The following NCKAP5 variants were observed in gnomAD, a reference collection of about 807,000 sequenced individuals.
The protein encoded by NCKAP5 is nck-associated protein 5.
A neutral mutation model predicts 167.0 loss-of-function variants in NCKAP5; 92 were observed. The observed-to-expected ratio is 0.55, with a 90% CI of 0.47 to 0.66. The LOEUF is 0.66. Ranked by LOEUF, NCKAP5 falls within the 30% of genes least tolerant of loss-of-function variation. The probability of loss-of-function intolerance (pLI) is 0.00; values close to 1 mark genes in which losing one functional copy is unlikely to be tolerated. For missense variants in NCKAP5, 2,378 were observed against 2,315.0 expected, an observed-to-expected ratio of 1.03 and a Z score of -0.56; for synonymous variants, 891 against 877.4, an observed-to-expected ratio of 1.02 and a Z score of -0.27.
intron 2 of NCKAP5, among the ~76,000 whole-genome samples, chr2:133,534,622 A>G (rs369034952): frequency 1.3e-5 from 2 of 152,266 alleles, no homozygotes; most frequent in East Asian, 3.9e-4. Context: ...TCCACTTCGC[A>G]TCATGTTTTC....
In NCKAP5 at chr2:133,478,506, T is replaced by C. The variant is rs374007310; in HGVS notation, c.69+38952A>G. 4.6e-5 allele frequency among the ~76,000 whole-genome samples: 7 copies of C among 152,258 alleles called. No individual in the cohort carries two copies. In the East Asian group the frequency reaches 7.7e-4, roughly 17 times the overall value. ...TATTATCATTACATGGGGACAATCA[T>C]GTCTCCTGCCCTGACACCTCGATAG... is the stretch of plus-strand genomic sequence containing the variant. On this transcript the variant is annotated intron_variant, in intron 3 of 19. Transcript: ENST00000409261.
intron 6 of NCKAP5, among the ~76,000 whole-genome samples, chr2:133,028,264 T>C (rs1052348882): frequency 6.6e-6 from 1 of 152,210 alleles, no homozygotes; most frequent in Admixed American, 6.5e-5. Context: ...TAGCTGCCCA[T>C]TCAATCAAGC....
chr2:132,819,393 C>G (rs922900594), intron 11 of NCKAP5, among the ~76,000 whole-genome samples: 3 of 152,230 alleles, frequency 2.0e-5, no homozygotes, highest in Non-Finnish European at 4.4e-5. Context: ...TTGTTGCAAT[C>G]TAGACCTTAA....
intron 19 of NCKAP5, among the ~76,000 whole-genome samples, chr2:132,684,852 T>C (rs911918376): frequency 1.3e-5 from 2 of 151,798 alleles, no homozygotes; most frequent in African/African-American, 2.4e-5. Context: ...GAATAGAAGC[T>C]AAAAAAAAGT....
intron 3 of NCKAP5, among the ~76,000 whole-genome samples, chr2:133,458,402 A>G (rs188479798): frequency 3.3e-5 from 5 of 152,162 alleles, no homozygotes; most frequent in Admixed American, 2.0e-4. Context: ...ATTTAAAAAC[A>G]TGAGCAACAT....
intron 3 of NCKAP5, among the ~76,000 whole-genome samples, chr2:133,318,213 G>C (rs77739680): frequency 0.015 from 2,351 of 152,288 alleles, 38 homozygotes; most frequent in Non-Finnish European, 0.023. Flanking sequence ...GATGGTTTAA[G>C]AAGATGGAGA....
At chr2:133,137,203 G>A (rs2082818491) in intron 5 of NCKAP5, among the ~76,000 whole-genome samples, 1 of 152,048 alleles carries the variant, frequency 6.6e-6, no homozygotes, top group African/African-American at 2.4e-5. Context: ...GAAAGATTTG[G>A]TCATCCTAGA....
intron 6 of NCKAP5, among the ~76,000 whole-genome samples, chr2:133,084,552 C>T (rs981962977): frequency 1.3e-5 from 2 of 152,090 alleles, no homozygotes; most frequent in African/African-American, 4.8e-5. Flanking sequence ...TGAGGAAATG[C>T]TTCACTAAAT....
At chr2:132,979,073 C>T (rs2077056816) in intron 7 of NCKAP5, among the ~76,000 whole-genome samples, 1 of 152,170 alleles carries the variant, frequency 6.6e-6, no homozygotes, top group South Asian at 2.1e-4. Context: ...CTGCCCACAT[C>T]CTCTCTGCCA....
intron 5 of NCKAP5, among the ~76,000 whole-genome samples, chr2:133,197,578 C>A (rs571481203): frequency 6.6e-6 from 1 of 151,832 alleles, no homozygotes; most frequent in African/African-American, 2.4e-5. Context: ...AGATAACAAC[C>A]CCAAGATGAC....
intron 3 of NCKAP5, among the ~76,000 whole-genome samples, chr2:133,470,366 G>A (rs1157718486): frequency 2.6e-5 from 4 of 152,184 alleles, no homozygotes; most frequent in Admixed American, 6.5e-5. Flanking sequence ...CAGTCTGCCG[G>A]TTCCCAGATC....
In NCKAP5 at chr2:132,805,497, C is replaced by T. The variant is rs557441958; in HGVS notation, c.808-8768G>A. On this transcript the variant is annotated intron_variant, in intron 11 of 19. Coordinates refer to ENST00000409261, the MANE Select transcript of NCKAP5 (RefSeq NM_207363.3). Reference sequence around the variant, plus strand: ...TTGCTAGACACAAACATCATTCATTCATTTACTTAAAATCATGCTTTCCTT... The same window carrying T: ...TTGCTAGACACAAACATCATTCATTTATTTACTTAAAATCATGCTTTCCTT... Among the ~76,000 whole-genome samples the T allele has an allele frequency of 2.8e-3, 423 of 152,212 alleles. 1 individual carries two copies. Among genetic ancestry groups the T allele is most frequent in the Non-Finnish European group, 4.1e-3 (276 of 68,016 alleles).
intron 6 of NCKAP5, among the ~76,000 whole-genome samples, chr2:133,094,169 C>T (rs6761734): frequency 0.051 from 7,832 of 152,104 alleles, 634 homozygotes; most frequent in African/African-American, 0.17. Flanking sequence ...ACATTGTCGC[C>T]GGATAATACC....
At chr2:133,605,641 C>A in the NCKAP5 span, among the ~76,000 whole-genome samples, 1 of 152,170 alleles carries the variant, frequency 6.6e-6, no homozygotes, top group Non-Finnish European at 1.5e-5. Context: ...TTTGTAAAAG[C>A]TTCTTATGCA....
At chr2:132,809,949 C>CT (rs1169649346) in intron 11 of NCKAP5, among the ~76,000 whole-genome samples, 6 of 152,128 alleles carry the variant, frequency 3.9e-5, no homozygotes, top group Admixed American at 6.5e-5. Flanking sequence ...ATTTAGAGCT[C>CT]TTTTTAGCAG....
chr2:133,428,449 C>A (rs1230835756), intron 3 of NCKAP5, among the ~76,000 whole-genome samples: 1 of 152,040 alleles, frequency 6.6e-6, no homozygotes, highest in Non-Finnish European at 1.5e-5. Context: ...TTCATTAGAA[C>A]CCTATTTTAC....
At chr2:133,127,213 A>C (rs2082432361) in intron 6 of NCKAP5, among the ~76,000 whole-genome samples, 1 of 152,238 alleles carries the variant, frequency 6.6e-6, no homozygotes, top group African/African-American at 2.4e-5. Flanking sequence ...TCAAAGACTT[A>C]ATAAGATTAT....
At chr2:132,945,891 G>T (rs1697682449) in intron 8 of NCKAP5, among the ~76,000 whole-genome samples, 1 of 152,158 alleles carries the variant, frequency 6.6e-6, no homozygotes, top group Admixed American at 6.6e-5. Context: ...CTACCATGCT[G>T]CCTCAGTATT....
At chr2:133,647,055 A>G in the NCKAP5 span, among the ~76,000 whole-genome samples, 1 of 152,136 alleles carries the variant, frequency 6.6e-6, no homozygotes, top group African/African-American at 2.4e-5. Context: ...GAAGATAGCA[A>G]GAGAAGAAAA....
Sources: gnomAD v4.1 joint callset for allele counts (sites outside exome capture counted in the v4.1 genomes callset) on GRCh38, gnomAD v4.1.1 for gene constraint, MANE v1.5 for transcripts, NCBI Gene and HGNC (gene_info 2026-07-23, HGNC 2026-07-21) for gene names.